The following PPP1R1C variants were observed in gnomAD, a reference collection of about 807,000 sequenced individuals.
The protein encoded by PPP1R1C is protein phosphatase 1 regulatory inhibitor subunit 1C, also known as protein phosphatase 1 regulatory subunit 1C.
Under a neutral mutation model 17.4 loss-of-function variants are expected in PPP1R1C, and 15 were observed. The ratio of observed to expected loss-of-function variants is 0.86; its 90% CI spans 0.58 to 1.33. PPP1R1C has a LOEUF of 1.33. Among genes scored for constraint, PPP1R1C ranks in the 40% most tolerant of loss-of-function variants. The pLI is 0.00. For missense variants in PPP1R1C, 143 were observed against 130.0 expected (o/e 1.10, Z -0.48); for synonymous variants, 35 against 43.1 (o/e 0.81, Z 0.73).
chr2:182,113,045 C>A (rs1258344232), intron 4 of PPP1R1C, among the ~76,000 whole-genome samples: 1 of 152,114 alleles, frequency 6.6e-6, no homozygotes, highest in Non-Finnish European at 1.5e-5. Flanking sequence ...GGATTAATAG[C>A]ATCCTAGGAT....
At chr2:182,073,829 G>C (rs1360544630) in intron 4 of PPP1R1C, among the ~76,000 whole-genome samples, 2 of 152,112 alleles carry the variant, frequency 1.3e-5, no homozygotes, top group African/African-American at 4.8e-5. Flanking sequence ...TGGGGTGGGG[G>C]CAGAAACTGT....
intron 2 of PPP1R1C, among the ~76,000 whole-genome samples, chr2:182,043,401 A>C (rs1016121148): frequency 2.0e-5 from 3 of 152,242 alleles, no homozygotes; most frequent in African/African-American, 7.2e-5. Context: ...GCAAAATAAC[A>C]AGCAAAAGGA....
chr2:182,020,358 G>C (rs1179032716), intron 2 of PPP1R1C, among the ~76,000 whole-genome samples: 1 of 152,144 alleles, frequency 6.6e-6, no homozygotes, highest in Non-Finnish European at 1.5e-5. Flanking sequence ...CTGGAATTGG[G>C]GGTTAGAGAA....
At chr2:182,024,681 C>T (rs187864016) in intron 2 of PPP1R1C, among the ~76,000 whole-genome samples, 317 of 151,908 alleles carry the variant, frequency 2.1e-3, no homozygotes, top group African/African-American at 7.4e-3. Flanking sequence ...ACGGTGAAAC[C>T]TTGTTTCTAC....
At chr2:182,122,516 T>C (rs1466140547), downstream of PPP1R1C, among the ~76,000 whole-genome samples, 1 of 152,116 alleles carries the variant, frequency 6.6e-6, no homozygotes, top group African/African-American at 2.4e-5. Context: ...AAAAAAGTAA[T>C]ATATAATTGA....
At chr2:181,964,557 G>T (rs373480256) in intron 1 of PPP1R1C, among the ~76,000 whole-genome samples, 1 of 152,214 alleles carries the variant, frequency 6.6e-6, no homozygotes, top group South Asian at 2.1e-4. Flanking sequence ...ATTCTCCATA[G>T]TGGCTATACT....
intron 4 of PPP1R1C, among the ~76,000 whole-genome samples, chr2:182,082,899 A>T (rs550082897): frequency 6.6e-6 from 1 of 152,264 alleles, no homozygotes; most frequent in African/African-American, 2.4e-5. Flanking sequence ...GTGGAGTCTA[A>T]TAATACCCAG....
At chr2:182,086,908 C>G (rs1445797019) in intron 4 of PPP1R1C, among the ~76,000 whole-genome samples, 3 of 150,764 alleles carry the variant, frequency 2.0e-5, no homozygotes, top group Admixed American at 6.6e-5. Context: ...CTACCAGTAT[C>G]TTCACTACAG....
chr2:182,059,826 G>A (rs953243301), intron 2 of PPP1R1C, among the ~76,000 whole-genome samples: 1 of 152,050 alleles, frequency 6.6e-6, no homozygotes, highest in African/African-American at 2.4e-5. Context: ...GCATTGTAGT[G>A]AGACAGTAGG....
At chr2:182,004,859 G>A (rs1415873094) in intron 2 of PPP1R1C, among the ~76,000 whole-genome samples, 1 of 152,218 alleles carries the variant, frequency 6.6e-6, no homozygotes, top group Non-Finnish European at 1.5e-5. Flanking sequence ...GTGGTGATAA[G>A]AAAGAGTACT....
At chr2:181,966,014 CACTTCTTTGGTTAAGT>C in intron 1 of PPP1R1C, among the ~76,000 whole-genome samples, 1 of 152,182 alleles carries the variant, frequency 6.6e-6, no homozygotes, top group East Asian at 1.9e-4. Context: ...GTAAATATTT[CACTTCTTTGGTTAAGT>C]TTATTCCCAG....
At chr2:182,038,882 T>C (rs150764521) in intron 2 of PPP1R1C, among the ~76,000 whole-genome samples, 31 of 152,346 alleles carry the variant, frequency 2.0e-4, no homozygotes, top group Non-Finnish European at 3.1e-4. Flanking sequence ...AGGTAGATTT[T>C]AGCTTAGAAT....
intron 4 of PPP1R1C, among the ~76,000 whole-genome samples, chr2:182,100,275 G>T (rs2125227106): frequency 6.6e-6 from 1 of 152,186 alleles, no homozygotes; most frequent in East Asian, 1.9e-4. Context: ...ACTTTGGGAG[G>T]CTGAGGCGGG....
intron 2 of PPP1R1C, among the ~76,000 whole-genome samples, chr2:182,032,999 T>A (rs560845119): frequency 6.6e-6 from 1 of 152,326 alleles, no homozygotes; most frequent in East Asian, 1.9e-4. Context: ...TGTTGCAGTC[T>A]GACTTTACCC....
rs375787272 is a variant in PPP1R1C, at chr2:182,095,177, T to C, written c.242-22030T>C. On this transcript the variant is annotated intron_variant, in intron 4 of 4. Transcript: ENST00000682840. Reference sequence around the variant, plus strand: ...AGCTGGGTGTGGTGGCATGGACCTGTAGTCCCAGCTGCTGTGGAGGCTGAG... The same window carrying C: ...AGCTGGGTGTGGTGGCATGGACCTGCAGTCCCAGCTGCTGTGGAGGCTGAG... Among the ~76,000 whole-genome samples, 22 of 152,226 alleles carry C rather than the reference T, an allele frequency of 1.4e-4. 1 individual carries two copies. The East Asian group carries it at 2.3e-3, about 16-fold the overall frequency.
intron 1 of PPP1R1C, among the ~76,000 whole-genome samples, chr2:181,970,160 A>C (rs1303835716): frequency 6.7e-6 from 1 of 149,178 alleles, no homozygotes; most frequent in African/African-American, 2.5e-5. Context: ...CTTTGAGGTC[A>C]TGTTTTCCTG....
At chr2:182,030,471 C>T (rs7606012) in intron 2 of PPP1R1C, among the ~76,000 whole-genome samples, 93,453 of 147,540 alleles carry the variant, frequency 0.63, 30,830 homozygotes, top group Non-Finnish European at 0.74. Flanking sequence ...AATACCCTGC[C>T]GTGTGAGATG....
intron 2 of PPP1R1C, among the ~76,000 whole-genome samples, chr2:182,033,976 T>C (rs1181271409): frequency 6.6e-6 from 1 of 152,216 alleles, no homozygotes; most frequent in African/African-American, 2.4e-5. Flanking sequence ...ATTCCTCCTT[T>C]GTCAAGATTC....
downstream of PPP1R1C, chr2:182,130,415 C>T (rs1002067772): frequency 6.6e-6 from 1 of 152,168 alleles, no homozygotes; most frequent in African/African-American, 2.4e-5. Flanking sequence ...ATTCTACCTG[C>T]TGCTCCCTTC....
Sources: gnomAD v4.1 joint callset for allele counts (sites outside exome capture counted in the v4.1 genomes callset) on GRCh38, gnomAD v4.1.1 for gene constraint, MANE v1.5 for transcripts, NCBI Gene and HGNC (gene_info 2026-07-23, HGNC 2026-07-21) for gene names.